The following CDH13 variants were observed in gnomAD, a reference collection of about 807,000 sequenced individuals.
CDH13 encodes the protein cadherin-13.
CDH13 carries 24 observed loss-of-function variants against 63.8 expected under a neutral mutation model. The observed-to-expected ratio is 0.38, with a 90% CI of 0.27 to 0.53. CDH13 has a LOEUF of 0.53. CDH13 is among the 20% of genes least tolerant of loss of function. The probability of loss-of-function intolerance (pLI) is 0.85; values close to 1 mark genes in which losing one functional copy is unlikely to be tolerated. For synonymous variants in CDH13, 503 were observed against 355.3 expected, an observed-to-expected ratio of 1.42 and a Z score of -4.67; for missense variants, 1,049 against 903.1, an observed-to-expected ratio of 1.16 and a Z score of -2.07.
chr16:83,231,864 T>C (rs2040006046), intron 5 of CDH13, among the ~76,000 whole-genome samples: 1 of 152,008 alleles, frequency 6.6e-6, no homozygotes, highest in African/African-American at 2.4e-5. Flanking sequence ...ATCATGGGGG[T>C]GGACCCCTCC....
chr16:83,778,786 G>A (rs1469716179), intron 11 of CDH13, among the ~76,000 whole-genome samples: 1 of 152,074 alleles, frequency 6.6e-6, no homozygotes, highest in Non-Finnish European at 1.5e-5. Flanking sequence ...CCAGCCCCCA[G>A]TGGCACCATC....
At chr16:83,108,424 A>C (rs1004921680) in intron 3 of CDH13, among the ~76,000 whole-genome samples, 2 of 152,238 alleles carry the variant, frequency 1.3e-5, no homozygotes. Context: ...TTATTGGACA[A>C]AAAGGAATAA....
chr16:83,286,625 A>G (rs2089321063), intron 5 of CDH13, among the ~76,000 whole-genome samples: 1 of 151,870 alleles, frequency 6.6e-6, no homozygotes, highest in Non-Finnish European at 1.5e-5. Context: ...GCATGGCAGC[A>G]TGCGCTGGTA....
At chr16:83,066,255 C>G (rs1234532283) in intron 3 of CDH13, among the ~76,000 whole-genome samples, 1 of 152,156 alleles carries the variant, frequency 6.6e-6, no homozygotes, top group Non-Finnish European at 1.5e-5. Context: ...GAATCAGTTT[C>G]TCAATTTGCA....
At chr16:83,685,902 C>T (rs574625100) in intron 10 of CDH13, among the ~76,000 whole-genome samples, 12 of 152,160 alleles carry the variant, frequency 7.9e-5, no homozygotes, top group Non-Finnish European at 1.6e-4. Context: ...CAACGCCCTG[C>T]AGACATGGGT....
intron 1 of CDH13, among the ~76,000 whole-genome samples, chr16:82,778,891 T>C (rs1448432752): frequency 2.0e-5 from 3 of 152,162 alleles, no homozygotes; most frequent in Non-Finnish European, 2.9e-5. Flanking sequence ...GTATCCTTGG[T>C]GTTTCATTTG....
chr16:83,394,580 T>G (rs2091849835), intron 6 of CDH13, among the ~76,000 whole-genome samples: 1 of 152,148 alleles, frequency 6.6e-6, no homozygotes. Flanking sequence ...AACCCAGCGT[T>G]TACTCACAAG....
At chr16:83,489,353 A>T (rs2073959956) in intron 7 of CDH13, among the ~76,000 whole-genome samples, 1 of 152,256 alleles carries the variant, frequency 6.6e-6, no homozygotes, top group South Asian at 2.1e-4. Context: ...AAAAAAGATC[A>T]ACTCAATTTA....
chr16:83,148,387 C>T (rs1262543776), intron 4 of CDH13, among the ~76,000 whole-genome samples: 1 of 152,174 alleles, frequency 6.6e-6, no homozygotes, highest in Non-Finnish European at 1.5e-5. Flanking sequence ...TAGGCTCATC[C>T]CTCCATGATT....
At chr16:83,714,003 G>A (rs914258298) in intron 10 of CDH13, among the ~76,000 whole-genome samples, 2 of 152,188 alleles carry the variant, frequency 1.3e-5, no homozygotes, top group Non-Finnish European at 2.9e-5. Context: ...CTGGGCTCAT[G>A]CTCACTTGTC....
intron 2 of CDH13, among the ~76,000 whole-genome samples, chr16:83,000,264 T>TTTTTTTTTTTTTTTA (rs1912748830): frequency 9.3e-6 from 1 of 107,114 alleles, no homozygotes; most frequent in Non-Finnish European, 1.9e-5. Context: ...TTTTTTTTTT[T>TTTTTTTTTTTTTTTA]GAGACAGAGT....
intron 6 of CDH13, among the ~76,000 whole-genome samples, chr16:83,384,778 A>G (rs960357256): frequency 1.3e-5 from 2 of 152,232 alleles, no homozygotes; most frequent in African/African-American, 4.8e-5. Context: ...CTCTTCAGGC[A>G]TGCGCTTGGC....
At chr16:83,398,558 T>G (rs1475049691) in intron 6 of CDH13, among the ~76,000 whole-genome samples, 2 of 152,200 alleles carry the variant, frequency 1.3e-5, no homozygotes, top group African/African-American at 2.4e-5. Flanking sequence ...CCAAATAAGA[T>G]TCATGCACAG....
intron 3 of CDH13, among the ~76,000 whole-genome samples, chr16:83,060,026 C>G (rs920414660): frequency 3.3e-5 from 5 of 151,974 alleles, no homozygotes; most frequent in African/African-American, 1.2e-4. Flanking sequence ...GATCTCCTGA[C>G]CTTGTGATCC....
chr16:83,776,361 T>A (rs1257508376), intron 11 of CDH13, among the ~76,000 whole-genome samples: 1 of 152,222 alleles, frequency 6.6e-6, no homozygotes, highest in Non-Finnish European at 1.5e-5. Flanking sequence ...GAAATTTAAC[T>A]AAATGACTAA....
intron 1 of CDH13, among the ~76,000 whole-genome samples, chr16:82,758,176 C>A (rs989964651): frequency 6.6e-6 from 1 of 151,894 alleles, no homozygotes; most frequent in Non-Finnish European, 1.5e-5. Context: ...GAGGAATGGG[C>A]AATACTCACC....
chr16:82,929,876 A>C (rs1385813121), intron 2 of CDH13, among the ~76,000 whole-genome samples: 2 of 151,844 alleles, frequency 1.3e-5, no homozygotes, highest in Non-Finnish European at 2.9e-5. Flanking sequence ...AGTAGTCATA[A>C]CAAATCTATA....
intron 1 of CDH13, among the ~76,000 whole-genome samples, chr16:82,736,051 A>G (rs1198775031): frequency 6.6e-6 from 1 of 152,238 alleles, no homozygotes; most frequent in Non-Finnish European, 1.5e-5. Context: ...AAAGCGATTC[A>G]TGAAAAACCT....
intron 11 of CDH13, among the ~76,000 whole-genome samples, chr16:83,778,269 C>T (rs1567589535): frequency 6.6e-6 from 1 of 152,176 alleles, no homozygotes; most frequent in Admixed American, 6.5e-5. Context: ...ATGGCTCATG[C>T]CTGTAATCCC....
Sources: gnomAD v4.1 joint callset for allele counts (sites outside exome capture counted in the v4.1 genomes callset) on GRCh38, gnomAD v4.1.1 for gene constraint, MANE v1.5 for transcripts, NCBI Gene and HGNC (gene_info 2026-07-23, HGNC 2026-07-21) for gene names.